The following SV2C variants were observed in gnomAD, a reference collection of about 807,000 sequenced individuals.
SV2C encodes solute carrier family 22 member B3.
In SV2C, 49 loss-of-function variants were observed where a neutral mutation model predicts 79.7. The ratio of observed to expected loss-of-function variants is 0.61; its 90% CI spans 0.49 to 0.78. The LOEUF (loss-of-function observed/expected upper bound fraction) is 0.78, where lower values mean the gene tolerates loss of function less well. SV2C is among the 30% of genes least tolerant of loss of function. The pLI, the probability that SV2C is intolerant of heterozygous loss-of-function variation, is 0.00. For missense variants in SV2C, 833 were observed against 912.9 expected (o/e 0.91, Z 1.13); for synonymous variants, 334 against 333.2 (o/e 1.00, Z -0.03).
chr5:76,006,243 C>T, the SV2C span, among the ~76,000 whole-genome samples: 1 of 152,138 alleles, frequency 6.6e-6, no homozygotes, highest in Non-Finnish European at 1.5e-5. Flanking sequence ...GCTTCATGGA[C>T]ATGTGTGCTG....
At chr5:76,317,122 C>T (rs887297820) in intron 12 of SV2C, among the ~76,000 whole-genome samples, 3 of 152,108 alleles carry the variant, frequency 2.0e-5, no homozygotes, top group African/African-American at 7.2e-5. Flanking sequence ...GTTTCTTGTA[C>T]TTTTAGCATT....
the SV2C span, among the ~76,000 whole-genome samples, chr5:76,009,986 ATTTTGTT>A: frequency 1.0e-5 from 1 of 100,008 alleles, no homozygotes; most frequent in South Asian, 3.6e-4. Flanking sequence ...TTACTTATCT[ATTTTGTT>A]TTTTTTTTTT....
chr5:75,970,729 G>A, the SV2C span, among the ~76,000 whole-genome samples: 3 of 151,990 alleles, frequency 2.0e-5, no homozygotes, highest in Non-Finnish European at 4.4e-5. Context: ...ATTCACAGCC[G>A]AATTCTACCA....
At chr5:76,353,048 C>T (rs1749672055) in intron 12 of SV2C, 1 of 448,248 alleles carries the variant, frequency 2.2e-6, no homozygotes, top group Non-Finnish European at 4.5e-6. Context: ...TCAAGTGATC[C>T]TCTTGCCTCT....
chr5:75,900,650 G>A, the SV2C span, among the ~76,000 whole-genome samples: 6 of 152,144 alleles, frequency 3.9e-5, no homozygotes, highest in Non-Finnish European at 8.8e-5. Context: ...ATAATATCCT[G>A]CAGAGTGTTT....
At chr5:75,953,159 G>A in the SV2C span, among the ~76,000 whole-genome samples, 1 of 151,986 alleles carries the variant, frequency 6.6e-6, no homozygotes, top group East Asian at 1.9e-4. Flanking sequence ...TATGGTGAGA[G>A]AGAAAGCAAG....
the SV2C span, among the ~76,000 whole-genome samples, chr5:76,054,641 C>A: frequency 6.6e-6 from 1 of 152,086 alleles, no homozygotes; most frequent in African/African-American, 2.4e-5. Context: ...TTCTCCAAAC[C>A]CTTGCCAGCA....
At chr5:76,034,197 G>C in the SV2C span, among the ~76,000 whole-genome samples, 33 of 151,624 alleles carry the variant, frequency 2.2e-4, no homozygotes, top group East Asian at 3.9e-4. Flanking sequence ...TCTGCAAACA[G>C]GGACAATTTG....
chr5:76,137,794 T>A (rs1749118054), intron 2 of SV2C, among the ~76,000 whole-genome samples: 2 of 152,192 alleles, frequency 1.3e-5, no homozygotes, highest in Admixed American at 6.5e-5. Flanking sequence ...GCCAATTAGA[T>A]GTGCTTGTTC....
At chr5:75,947,415 C>A in the SV2C span, among the ~76,000 whole-genome samples, 1 of 150,926 alleles carries the variant, frequency 6.6e-6, no homozygotes, top group Admixed American at 6.6e-5. Context: ...TCTCTATCTG[C>A]CCCCCTTGGA....
intron 2 of SV2C, among the ~76,000 whole-genome samples, chr5:76,148,605 A>C (rs954868290): frequency 2.6e-5 from 4 of 152,038 alleles, no homozygotes; most frequent in Non-Finnish European, 5.9e-5. Flanking sequence ...GCACACCATC[A>C]CATCTGGCTA....
chr5:76,011,078 T>C, the SV2C span, among the ~76,000 whole-genome samples: 1 of 152,170 alleles, frequency 6.6e-6, no homozygotes, highest in Non-Finnish European at 1.5e-5. Flanking sequence ...GGACAGCGCA[T>C]TGTTAGTTGA....
At chr5:76,221,364 C>G (rs1465777727) in intron 4 of SV2C, among the ~76,000 whole-genome samples, 1 of 152,180 alleles carries the variant, frequency 6.6e-6, no homozygotes, top group Non-Finnish European at 1.5e-5. Context: ...CAAAAATTGG[C>G]CCAAATTACA....
At chr5:76,317,440 CCA>C (rs1159298482) in intron 12 of SV2C, among the ~76,000 whole-genome samples, 4 of 151,402 alleles carry the variant, frequency 2.6e-5, no homozygotes, top group African/African-American at 9.8e-5. Flanking sequence ...ACCACCCCCC[CCA>C]ACACACACAC....
the SV2C span, among the ~76,000 whole-genome samples, chr5:75,947,939 A>T: frequency 1.3e-5 from 2 of 151,930 alleles, no homozygotes; most frequent in Non-Finnish European, 2.9e-5. Context: ...ACTCCATAAA[A>T]CATCAGTGAA....
upstream of SV2C, chr5:76,079,457 A>G: frequency 3.4e-6 from 1 of 296,262 alleles, no homozygotes; most frequent in Non-Finnish European, 6.8e-6. Context: ...GAAGAGGCAC[A>G]CCAAAGAAGG....
At chr5:76,340,946 C>T (rs1247762146) in intron 12 of SV2C, among the ~76,000 whole-genome samples, 3 of 35,804 alleles carry the variant, frequency 8.4e-5, no homozygotes, top group African/African-American at 2.2e-4. Context: ...TTTTTTTTTT[C>T]CGAGATGGAG....
the SV2C span, among the ~76,000 whole-genome samples, chr5:75,930,329 C>G: frequency 2.0e-5 from 3 of 152,130 alleles, no homozygotes; most frequent in African/African-American, 7.2e-5. Context: ...TGGAAAAAGA[C>G]AGAAGTTACC....
At chr5:76,161,996 C>T (rs1269247658) in intron 2 of SV2C, among the ~76,000 whole-genome samples, 1 of 152,006 alleles carries the variant, frequency 6.6e-6, no homozygotes, top group Admixed American at 6.6e-5. Flanking sequence ...TAACTGTAGC[C>T]TACATTTTCA....
Sources: gnomAD v4.1 joint callset for allele counts (sites outside exome capture counted in the v4.1 genomes callset) on GRCh38, gnomAD v4.1.1 for gene constraint, MANE v1.5 for transcripts, NCBI Gene and HGNC (gene_info 2026-07-23, HGNC 2026-07-21) for gene names.